The following SGK1 variants were observed in gnomAD, a reference collection of about 807,000 sequenced individuals.
The protein encoded by SGK1 is serum/glucocorticoid regulated kinase 1.
Under a neutral mutation model 64.2 loss-of-function variants are expected in SGK1, and 26 were observed. The observed-to-expected ratio is 0.40, with a 90% CI of 0.30 to 0.56. The LOEUF is 0.56. Among genes scored for constraint, SGK1 ranks in the 20% least tolerant of loss-of-function variants. The pLI is 0.38. For synonymous variants in SGK1, 265 were observed against 239.7 expected (o/e 1.11, Z -0.98); for missense variants, 519 against 645.6 (o/e 0.80, Z 2.12).
chr6:134,235,449 GA>G (rs1196987054), intron 2 of SGK1, among the ~76,000 whole-genome samples: 1 of 151,226 alleles, frequency 6.6e-6, no homozygotes, highest in African/African-American at 2.4e-5. Flanking sequence ...ACCCTGTTTA[GA>G]AAAAAATAAT....
intron 1 of SGK1, among the ~76,000 whole-genome samples, chr6:134,281,376 T>C (rs1056280819): frequency 6.6e-6 from 1 of 152,148 alleles, no homozygotes; most frequent in Admixed American, 6.6e-5. Flanking sequence ...ATGTAACAAG[T>C]GGTAAGGATG....
chr6:134,285,532 A>AC, intron 1 of SGK1, among the ~76,000 whole-genome samples: 1 of 139,516 alleles, frequency 7.2e-6, no homozygotes, highest in African/African-American at 2.6e-5. Context: ...ACCAGCATCA[A>AC]TTTTTTTTTT....
chr6:134,199,727 C>T (rs976162923), intron 3 of SGK1, among the ~76,000 whole-genome samples: 1 of 151,766 alleles, frequency 6.6e-6, no homozygotes, highest in Non-Finnish European at 1.5e-5. Flanking sequence ...ATTAAATTTT[C>T]TCCTCTGGGA....
chr6:134,303,100 T>G (rs1777482400), intron 1 of SGK1, among the ~76,000 whole-genome samples: 1 of 151,964 alleles, frequency 6.6e-6, no homozygotes, highest in Non-Finnish European at 1.5e-5. Context: ...CCTTAGAAAG[T>G]TAAGGCTTAG....
At chr6:134,268,515 G>T (rs1037586807) in intron 1 of SGK1, among the ~76,000 whole-genome samples, 2 of 151,602 alleles carry the variant, frequency 1.3e-5, no homozygotes, top group African/African-American at 4.8e-5. Flanking sequence ...GAGGTCAGTA[G>T]ATCGAGACCA....
chr6:134,269,759 A>C (rs1776912054), intron 1 of SGK1, among the ~76,000 whole-genome samples: 1 of 147,956 alleles, frequency 6.8e-6, no homozygotes, highest in African/African-American at 2.4e-5. Flanking sequence ...AGTGTAATTT[A>C]GGAGAAGGCT....
At chr6:134,298,005 G>A (rs534682376) in intron 1 of SGK1, 24 of 850,556 alleles carry the variant, frequency 2.8e-5, no homozygotes, top group Middle Eastern at 3.0e-4. Flanking sequence ...AGACGTATCC[G>A]AGATCTGGGA....
intron 3 of SGK1, among the ~76,000 whole-genome samples, chr6:134,198,529 G>A (rs1230524220): frequency 6.6e-6 from 1 of 151,938 alleles, no homozygotes; most frequent in East Asian, 1.9e-4. Context: ...ATGTACTGAA[G>A]TCCTTCCTCT....
In SGK1 at chr6:134,173,372, T is replaced by TA. The variant is rs1562238087; in HGVS notation, c.619-16dup. On this transcript the variant is annotated splice_polypyrimidine_tract_variant and intron_variant, in intron 6 of 13. Transcript: ENST00000367858. ...GCTAGAAGAACCTGAAATTTCAATTTAAAAAAATCATTTTTCTATCCTCAT... is the reference window on the plus strand; with the variant it reads ...GCTAGAAGAACCTGAAATTTCAATTTAAAAAAAATCATTTTTCTATCCTCAT... 1.2e-6 allele frequency: 2 copies of TA among 1,606,480 alleles called. No individual in the cohort carries two copies. The highest frequency in any genetic ancestry group is 1.7e-6 in the Non-Finnish European group (2 of 1,174,164).
chr6:134,306,914 G>T (rs1015925934), intron 1 of SGK1, among the ~76,000 whole-genome samples: 1 of 147,246 alleles, frequency 6.8e-6, no homozygotes, highest in Non-Finnish European at 1.5e-5. Flanking sequence ...AAATAAAAGG[G>T]GGGGGGGGCG....
At chr6:134,296,835 G>T (rs570378656) in intron 1 of SGK1, among the ~76,000 whole-genome samples, 5 of 151,698 alleles carry the variant, frequency 3.3e-5, no homozygotes, top group African/African-American at 7.3e-5. Flanking sequence ...CATGGGCAAG[G>T]GGGGGTCCCC....
intron 2 of SGK1, among the ~76,000 whole-genome samples, chr6:134,226,177 C>T (rs1776174080): frequency 6.6e-6 from 1 of 151,730 alleles, no homozygotes. Context: ...ACAATCTTAT[C>T]AAGGAAGGTG....
intron 3 of SGK1, among the ~76,000 whole-genome samples, chr6:134,197,732 A>G (rs994406951): frequency 1.3e-5 from 2 of 152,068 alleles, no homozygotes; most frequent in Non-Finnish European, 2.9e-5. Context: ...AGGCAGAGGC[A>G]GGAGAATCAC....
At chr6:134,255,574 A>ATTTTTTTTTTTTT (rs11318242) in intron 2 of SGK1, among the ~76,000 whole-genome samples, 1 of 78,852 alleles carries the variant, frequency 1.3e-5, no homozygotes, top group Non-Finnish European at 2.5e-5. Context: ...AGAGATTTTG[A>ATTTTTTTTTTTTT]TTTTTTTTTT....
intron 3 of SGK1, among the ~76,000 whole-genome samples, chr6:134,197,996 TA>T (rs1775623892): frequency 1.3e-5 from 2 of 152,070 alleles, no homozygotes; most frequent in Admixed American, 6.6e-5. Flanking sequence ...ACAAGAAACA[TA>T]AGTGGCCTCT....
At chr6:134,223,682 T>C (rs1340770267) in intron 2 of SGK1, among the ~76,000 whole-genome samples, 1 of 152,266 alleles carries the variant, frequency 6.6e-6, no homozygotes, top group East Asian at 1.9e-4. Context: ...CTATAATTTG[T>C]AATGTTTAAC....
At chr6:134,224,396 G>A (rs1776137335) in intron 2 of SGK1, among the ~76,000 whole-genome samples, 1 of 152,108 alleles carries the variant, frequency 6.6e-6, no homozygotes, top group African/African-American at 2.4e-5. Context: ...AACTTTAAGA[G>A]GTGCAGGTTC....
At chr6:134,228,869 A>C (rs762230504) in intron 2 of SGK1, among the ~76,000 whole-genome samples, 5 of 118,544 alleles carry the variant, frequency 4.2e-5, no homozygotes, top group Non-Finnish European at 8.3e-5. Flanking sequence ...TTTGAGACGG[A>C]GTCTCGCTCT....
chr6:134,245,022 C>T (rs1386790463), intron 2 of SGK1, among the ~76,000 whole-genome samples: 4 of 152,160 alleles, frequency 2.6e-5, no homozygotes, highest in African/African-American at 7.2e-5. Context: ...GTGATCCACC[C>T]GCCTTGGCCT....
Sources: allele counts gnomAD v4.1 joint callset (sites outside exome capture counted in the v4.1 genomes callset), GRCh38; gene constraint gnomAD v4.1.1; transcripts MANE v1.5; gene names NCBI Gene and HGNC (gene_info 2026-07-23, HGNC 2026-07-21).